The following KCNK12 variants were observed in gnomAD, a reference collection of about 807,000 sequenced individuals.
KCNK12 encodes the protein potassium channel subfamily K member 12.
Under a neutral mutation model 25.3 loss-of-function variants are expected in KCNK12, and 6 were observed. The ratio of observed to expected loss-of-function variants is 0.24; its 90% confidence interval spans 0.13 to 0.47. The LOEUF is 0.47. KCNK12 is among the 20% of genes least tolerant of loss of function. The pLI, the probability that KCNK12 is intolerant of heterozygous loss-of-function variation, is 0.99. For synonymous variants in KCNK12, 331 were observed against 311.1 expected (o/e 1.06, Z -0.67); for missense variants, 444 against 661.7 (o/e 0.67, Z 3.61).
rs1668454104 is a variant in KCNK12 at position 47,513,570 on chromosome 2, G to A, written c.*7337C>T. Among the ~76,000 whole-genome samples, 1 of 152,100 alleles carries A rather than the reference G, an allele frequency of 6.6e-6. No homozygotes were observed. The highest frequency in any genetic ancestry group is 2.4e-5 in the African/African-American group (1 of 41,396). ...TGATGCTGAGAACTTCCAAAATGTT[G>A]GTCTAGCCTGGGTCATTGTTATGAG... On this transcript the variant is annotated 3_prime_UTR_variant, in exon 2 of 2. Transcript: ENST00000327876.
chr2:47,520,858 GGCGGCCCC>G lies in KCNK12; in HGVS notation c.*41_*48del, dbSNP rs560981770. On this transcript the variant is annotated 3_prime_UTR_variant, in exon 2 of 2. Coordinates refer to ENST00000327876, the MANE Select transcript of KCNK12 (RefSeq NM_022055.2). This position sits in a 1 kb window ranked among gnomAD's most constrained non-coding sequence, Gnocchi z 5.0. ...TGACTGAGAGAAGCAAACCACGCCC[GGCGGCCCC>G]GCGGCCTGGAGAGGGTCCCCGGCGC... is the stretch of plus-strand genomic sequence containing the variant. 643 of 1,190,260 alleles carry G rather than the reference GGCGGCCCC, an allele frequency of 5.4e-4. 4 individuals are homozygous for G. In the East Asian group the frequency reaches 0.018, roughly 33 times the overall value. The allele number at this position is 1,190,260 out of a possible 1,614,324, so 73.7% of individuals were successfully genotyped here.
chr2:47,567,901 A>T (rs1184285404), intron 1 of KCNK12, among the ~76,000 whole-genome samples: 2 of 152,098 alleles, frequency 1.3e-5, no homozygotes, highest in African/African-American at 2.4e-5. Flanking sequence ...TTCCCAACAC[A>T]CTGACTTGAT....
rs1669427065 is a variant in KCNK12, at chr2:47,551,392, T to G, written c.391+18549A>C. Among the ~76,000 whole-genome samples the G allele has an allele frequency of 1.3e-5, 2 of 152,348 alleles. No homozygotes were observed. The highest frequency in any genetic ancestry group is 2.9e-5 in the Non-Finnish European group (2 of 68,030). On this transcript the variant is annotated intron_variant, in intron 1 of 1. Coordinates refer to ENST00000327876, the MANE Select transcript of KCNK12 (RefSeq NM_022055.2). This position sits in a 1 kb window ranked among gnomAD's most constrained non-coding sequence, Gnocchi z 5.3. ...TCACTTTATTCTTACCCTGGTTTTGTTCTTTTTGCAGCATTTACCACCACC... is the reference window on the plus strand; with the variant it reads ...TCACTTTATTCTTACCCTGGTTTTGGTCTTTTTGCAGCATTTACCACCACC...
At chr2:47,526,171 G>A (rs1668766342) in intron 1 of KCNK12, among the ~76,000 whole-genome samples, 1 of 149,114 alleles carries the variant, frequency 6.7e-6, no homozygotes, top group South Asian at 2.1e-4. Flanking sequence ...AAGGTGGGCA[G>A]GTCACTTGAG....
At chr2:47,549,219 AG>A (rs955730705) in intron 1 of KCNK12, among the ~76,000 whole-genome samples, 1 of 152,216 alleles carries the variant, frequency 6.6e-6, no homozygotes, top group African/African-American at 2.4e-5. Context: ...GACCCCAAAA[AG>A]GTTATTCTTT....
At chr2:47,536,979 C>T (rs1669085650) in intron 1 of KCNK12, among the ~76,000 whole-genome samples, 1 of 152,194 alleles carries the variant, frequency 6.6e-6, no homozygotes, top group African/African-American at 2.4e-5. Flanking sequence ...TGTGTTTGGA[C>T]ATGATTATGG....
Position 47,521,671 on chromosome 2 carries a change from G to A in KCNK12, c.529C>T (p.Arg177Cys). 6.3e-7 allele frequency: 1 copy of A among 1,599,168 alleles called. No homozygotes were observed. The highest frequency in any genetic ancestry group is 8.5e-7 in the Non-Finnish European group (1 of 1,174,842). ...CGCAGCTGGCGCTCCCGGCAGGCGC[G>A]CATGATGAAGGCCAGCAGCGAGATG... ...RIISLLAFIM[R>C]ACRERQLRRS... is the part of the protein sequence containing the mutation. The change falls in exon 2 of 2, where the codon CGC becomes TGC. Residue 177 changes from arginine to cysteine, a missense_variant. By Grantham distance (180) the Arg-to-Cys change is radical (BLOSUM62 -3). Transcript: ENST00000327876.
At position 47,511,640 on chromosome 2, in the gene KCNK12, A is replaced by G. The variant is rs1169728117; in HGVS notation, c.*9267T>C. 6.6e-6 allele frequency among the ~76,000 whole-genome samples: 1 copy of G among 152,300 alleles called. No homozygotes were observed. Among genetic ancestry groups the G allele is most frequent in the Non-Finnish European group, 1.5e-5 (1 of 68,024 alleles). ...GTGAACAGCAGGTGGGGGTCTTTCC[A>G]TAGGGGATGAGGAAGACAAGGCCAC... On this transcript the variant is annotated 3_prime_UTR_variant, in exon 2 of 2. Transcript: ENST00000327876. This position sits in a 1 kb window ranked among gnomAD's most constrained non-coding sequence, Gnocchi z 4.3.
Position 47,529,626 on chromosome 2 carries a change from A to G in KCNK12, c.392-7818T>C, listed in dbSNP as rs528870985. On this transcript the variant is annotated intron_variant, in intron 1 of 1. Transcript: ENST00000327876. This position sits in a 1 kb window ranked among gnomAD's most constrained non-coding sequence, Gnocchi z 4.3. ...TGGGCTCTATTAGTCTAGGCCAATC[A>G]GGATAATCCAGTTCCTTACCATGAC... Among the ~76,000 whole-genome samples, 15 of 152,232 alleles carry G rather than the reference A, an allele frequency of 9.9e-5. No individual in the cohort carries two copies. Among genetic ancestry groups the G allele is most frequent in the Non-Finnish European group, 1.9e-4 (13 of 68,040 alleles).
chr2:47,530,977 GGAA>G (rs1299002912), intron 1 of KCNK12, among the ~76,000 whole-genome samples: 1 of 152,192 alleles, frequency 6.6e-6, no homozygotes, highest in Admixed American at 6.5e-5. Context: ...ACAAGAGTTT[GGAA>G]GAAGGAGAGG....
In KCNK12 at chr2:47,528,037, T is replaced by C. The variant is rs186155530; in HGVS notation, c.392-6229A>G. Reference sequence around the variant, plus strand: ...GCTCACCTCTGGGACAGGGCGCATATAGTCTGGGCCAGAACTTGTCCTGGG... The same window carrying C: ...GCTCACCTCTGGGACAGGGCGCATACAGTCTGGGCCAGAACTTGTCCTGGG... On this transcript the variant is annotated intron_variant, in intron 1 of 1. Transcript: ENST00000327876. This position sits in a 1 kb window ranked among gnomAD's most constrained non-coding sequence, Gnocchi z 4.5. Among the ~76,000 whole-genome samples the C allele has an allele frequency of 4.5e-4, 69 of 152,214 alleles. No individual in the cohort carries two copies. The highest frequency in any genetic ancestry group is 1.6e-3 in the African/African-American group (66 of 41,532).
At position 47,538,823 on chromosome 2, in the gene KCNK12, A is replaced by G. The variant is rs1420325251; in HGVS notation, c.392-17015T>C. ...ACACTTTCAGGGCAAAGTTTAGGTG[A>G]TATAAATGTCCCTGAAATGAGAAAA... On this transcript the variant is annotated intron_variant, in intron 1 of 1. Coordinates refer to ENST00000327876, the MANE Select transcript of KCNK12 (RefSeq NM_022055.2). This position sits in a 1 kb window ranked among gnomAD's most constrained non-coding sequence, Gnocchi z 4.5. Among the ~76,000 whole-genome samples the G allele has an allele frequency of 1.3e-5, 2 of 152,226 alleles. No individual in the cohort carries two copies. Among genetic ancestry groups the G allele is most frequent in the African/African-American group, 4.8e-5 (2 of 41,452 alleles).
chr2:47,521,643 C>T lies in KCNK12; in HGVS notation c.557G>A (p.Arg186His), dbSNP rs931543152. 2 of 1,588,806 alleles carry T rather than the reference C, an allele frequency of 1.3e-6. No individual in the cohort carries two copies. Among genetic ancestry groups the T allele is most frequent in the Non-Finnish European group, 8.5e-7 (1 of 1,170,440 alleles). The stretch of plus-strand genomic sequence containing the variant: ...GAAGGTGGCGGGCAGCAGGCCGCTG[C>T]GGCGCAGCTGGCGCTCCCGGCAGGC... ...MRACRERQLR[R>H]SGLLPATFRR... The change falls in exon 2 of 2, where the codon CGC (arginine) becomes CAC (histidine). Residue 186 changes from arginine to histidine, a missense_variant. Physicochemically the swap from Arg to His is conservative, Grantham distance 29. Transcript: ENST00000327876.
At position 47,512,163 on chromosome 2, in the gene KCNK12, C is replaced by T; in HGVS notation, c.*8744G>A. 5 of 1,040,844 alleles carry T rather than the reference C, an allele frequency of 4.8e-6. No homozygotes were observed. Among genetic ancestry groups the T allele is most frequent in the South Asian group, 3.4e-5 (2 of 58,886 alleles). The allele number at this position is 1,040,844 out of a possible 1,614,324, so 64.5% of individuals were successfully genotyped here. A position where few individuals can be genotyped will look rare whatever the true frequency, so the allele number is the denominator to read the frequency against. ...TGCATCCAGATGGCTGGTCCTGCTCCTCCCAGTCCATGGAGAAAAAAGAAT... is the reference window on the plus strand; with the variant it reads ...TGCATCCAGATGGCTGGTCCTGCTCTTCCCAGTCCATGGAGAAAAAAGAAT... On this transcript the variant is annotated 3_prime_UTR_variant, in exon 2 of 2. Coordinates refer to ENST00000327876, the MANE Select transcript of KCNK12 (RefSeq NM_022055.2).
intron 1 of KCNK12, among the ~76,000 whole-genome samples, chr2:47,558,061 G>A (rs142200258): frequency 1.6e-4 from 24 of 152,334 alleles, no homozygotes; most frequent in African/African-American, 5.8e-4. Context: ...TTATAAAACA[G>A]GTGCCTAGGT....
chr2:47,541,925 TGCTTGGCTGCAGAAGCCCC>T lies in KCNK12; in HGVS notation c.392-20136_392-20118del, dbSNP rs1669209326. On this transcript the variant is annotated intron_variant, in intron 1 of 1. Coordinates refer to ENST00000327876, the MANE Select transcript of KCNK12 (RefSeq NM_022055.2). Reference sequence around the variant, plus strand: ...CGGAAGGAGACTGGGGCCGCCTGTTTGCTTGGCTGCAGAAGCCCCACGTGGCTGCACCCTGGCTCATTCT... The same window carrying T: ...CGGAAGGAGACTGGGGCCGCCTGTTTACGTGGCTGCACCCTGGCTCATTCT... 2.0e-5 allele frequency among the ~76,000 whole-genome samples: 3 copies of T among 152,180 alleles called. No individual in the cohort carries two copies. The South Asian group carries it at 6.2e-4, about 31-fold the overall frequency.
Position 47,521,111 on chromosome 2 carries a change from G to T in KCNK12, c.1089C>A (p.Arg363=). 1 of 1,287,366 alleles carries T rather than the reference G, an allele frequency of 7.8e-7. No individual in the cohort carries two copies. Among genetic ancestry groups the T allele is most frequent in the Non-Finnish European group, 9.8e-7 (1 of 1,018,682 alleles). 79.7% of individuals were successfully genotyped at this position (1,287,366 alleles called of 1,614,324 possible). A position where few individuals can be genotyped will look rare whatever the true frequency, so the allele number is the denominator to read the frequency against. The change falls in exon 2 of 2, where the codon CGC becomes CGA. Residue 363 remains arginine (R), a synonymous_variant. Transcript: ENST00000327876. ...GCATGGAGATGAGCTCGCCCGAGAG[G>T]CGGCGGCCCTCGGCGTCGCTGTCGC... ...AARDSDAEGR[R]LSGELISMRD...
At chr2:47,536,463 A>G (rs185079441) in intron 1 of KCNK12, among the ~76,000 whole-genome samples, 104 of 152,326 alleles carry the variant, frequency 6.8e-4, no homozygotes, top group African/African-American at 2.2e-3. Flanking sequence ...TTGTCCAGTG[A>G]TCACCAGCAG....
At chr2:47,521,907 C>A (rs886674424) in intron 1 of KCNK12, 99 bp from the exon 2 acceptor site, 2 of 1,016,342 alleles carry the variant, frequency 2.0e-6, no homozygotes, top group Middle Eastern at 3.2e-4. Flanking sequence ...CAGGTGCTTG[C>A]GCGGCTCCTA....
Sources: gnomAD v4.1 joint callset for allele counts (sites outside exome capture counted in the v4.1 genomes callset) on GRCh38, gnomAD v4.1.1 for gene constraint, Gnocchi (gnomAD v3.1) non-coding constraint, MANE v1.5 for transcripts, NCBI Gene and HGNC (gene_info 2026-07-23, HGNC 2026-07-21) for gene names.